SRGAP1: variants seen among roughly 807,000 people sequenced by gnomAD.
SRGAP1 encodes the protein SLIT-ROBO Rho GTPase-activating protein 1.
In SRGAP1, 43 loss-of-function variants were observed where a neutral mutation model predicts 121.9. That is an observed-to-expected ratio of 0.35 (90% CI 0.28 to 0.46). The LOEUF (loss-of-function observed/expected upper bound fraction) is 0.46, where lower values mean the gene tolerates loss of function less well. SRGAP1 is among the 20% of genes least tolerant of loss of function. The pLI is 1.00. For synonymous variants in SRGAP1, 447 were observed against 485.4 expected, an observed-to-expected ratio of 0.92 and a Z score of 1.04; for missense variants, 1,102 against 1,350.9, an observed-to-expected ratio of 0.82 and a Z score of 2.89.
At chr12:63,964,065 G>C (rs983449030) in intron 1 of SRGAP1, among the ~76,000 whole-genome samples, 4 of 152,118 alleles carry the variant, frequency 2.6e-5, no homozygotes, top group African/African-American at 7.2e-5. Context: ...AAAAGAGGAG[G>C]AAGTAAAGAA....
In SRGAP1 at chr12:64,063,051, G is replaced by A. The variant is rs780449158; in HGVS notation, c.936G>A (p.Arg312=). 1.2e-6 allele frequency: 2 copies of A among 1,614,070 alleles called. No homozygotes were observed. Among genetic ancestry groups the A allele is most frequent in the Middle Eastern group, 1.7e-4 (1 of 6,060 alleles). ...IENAVDNLEP[R]SDKQRFMEMY... is the part of the protein sequence containing the mutation. ...ATGCAGTTGATAATTTAGAGCCCAGGAGCGATAAGCAGAGATTCATGGAGA... is the reference window on the plus strand; with the variant it reads ...ATGCAGTTGATAATTTAGAGCCCAGAAGCGATAAGCAGAGATTCATGGAGA... Residue 312 remains arginine, a synonymous_variant, in exon 7 of 22, where the codon AGG becomes AGA. Transcript: ENST00000355086.
chr12:63,893,055 A>C (rs1411189667), intron 1 of SRGAP1, among the ~76,000 whole-genome samples: 2 of 152,192 alleles, frequency 1.3e-5, no homozygotes, highest in Non-Finnish European at 2.9e-5. Flanking sequence ...GATCTTTGGA[A>C]TTCTGTGCGA....
intron 1 of SRGAP1, among the ~76,000 whole-genome samples, chr12:63,979,075 C>A: frequency 8.8e-6 from 1 of 113,238 alleles, no homozygotes; most frequent in Admixed American, 1.3e-4. Context: ...GATGGAGTCT[C>A]TATCACCAGG....
At chr12:63,845,419 A>G (rs1898871458) in intron 1 of SRGAP1, among the ~76,000 whole-genome samples, 2 of 152,122 alleles carry the variant, frequency 1.3e-5, no homozygotes. Flanking sequence ...TAGCTCCCTA[A>G]AAGCCTGGCA....
chr12:64,098,562 T>C (rs1485111908), intron 15 of SRGAP1, among the ~76,000 whole-genome samples: 2 of 151,880 alleles, frequency 1.3e-5, no homozygotes, highest in Non-Finnish European at 2.9e-5. Flanking sequence ...CCCAGCTTCT[T>C]GGGAGGCTGA....
At chr12:63,926,828 C>T (rs1232187258) in intron 1 of SRGAP1, among the ~76,000 whole-genome samples, 1 of 152,172 alleles carries the variant, frequency 6.6e-6, no homozygotes, top group Non-Finnish European at 1.5e-5. Flanking sequence ...CTTTGATCAA[C>T]ACTTCCCATT....
chr12:63,881,084 G>A (rs779971551), intron 1 of SRGAP1, among the ~76,000 whole-genome samples: 4 of 152,168 alleles, frequency 2.6e-5, no homozygotes, highest in Admixed American at 6.5e-5. Flanking sequence ...TATATTTTGC[G>A]AAGTCAACTG....
intron 2 of SRGAP1, among the ~76,000 whole-genome samples, chr12:63,985,963 C>T (rs923277244): frequency 4.6e-5 from 7 of 152,152 alleles, no homozygotes; most frequent in Non-Finnish European, 2.9e-5. Context: ...TGACCTTGGA[C>T]CCTGCATAAA....
At chr12:64,032,779 G>C (rs1201251260) in intron 4 of SRGAP1, 2 of 201,380 alleles carry the variant, frequency 9.9e-6, no homozygotes, top group Non-Finnish European at 1.0e-5. Context: ...TGAATTTTCT[G>C]CTGCATTATT....
intron 4 of SRGAP1, among the ~76,000 whole-genome samples, chr12:64,024,387 C>T (rs756476324): frequency 9.2e-5 from 14 of 152,124 alleles, no homozygotes; most frequent in East Asian, 1.9e-4. Context: ...GCCATGATTG[C>T]GCTACTGCGC....
chr12:63,859,926 GAATT>G (rs1200439717), intron 1 of SRGAP1, among the ~76,000 whole-genome samples: 21 of 152,224 alleles, frequency 1.4e-4, no homozygotes, highest in African/African-American at 4.8e-4. Context: ...GATATGTAAA[GAATT>G]AAGTTCTAAA....
In SRGAP1 at chr12:64,157,190, A is replaced by C. The variant is rs1344502957; in HGVS notation, c.*14518A>C. On this transcript the variant is annotated 3_prime_UTR_variant, in exon 22 of 22. Transcript: ENST00000355086. ...TCTAAATTCATCATTTACTGAACAA[A>C]TAACTCATGAGGGTTACCATATGTC... 3 of 152,390 alleles carry C rather than the reference A, an allele frequency of 2.0e-5. No homozygotes were observed. In the East Asian group the frequency reaches 5.8e-4, roughly 29 times the overall value. 9.4% of individuals were successfully genotyped at this position (152,390 alleles called of 1,614,324 possible). A position where few individuals can be genotyped will look rare whatever the true frequency, so the allele number is the denominator to read the frequency against.
chr12:64,038,767 A>G (rs1000646851), intron 4 of SRGAP1: 7 of 152,206 alleles, frequency 4.6e-5, no homozygotes, highest in Non-Finnish European at 8.8e-5. Flanking sequence ...ATGGAGCAAG[A>G]AAGATAAATT....
rs1478411816 is a variant in SRGAP1 at position 64,128,207 on chromosome 12, T to C, written c.2880+7T>C. On this transcript the variant is annotated splice_region_variant and intron_variant, in intron 21 of 21. Transcript: ENST00000355086. ...CCCAGAGACAATTGCTCAGGTACGA[T>C]GCTTTTAATTACATATTGCATTTTA... is the stretch of plus-strand genomic sequence containing the variant. 6.3e-7 allele frequency: 1 copy of C among 1,595,622 alleles called. No homozygotes were observed. The highest frequency in any genetic ancestry group is 1.7e-5 in the Admixed American group (1 of 59,156).
At chr12:64,056,907 T>C (rs1337559607) in intron 6 of SRGAP1, among the ~76,000 whole-genome samples, 1 of 152,200 alleles carries the variant, frequency 6.6e-6, no homozygotes, top group Non-Finnish European at 1.5e-5. Flanking sequence ...CCCTTTCCCC[T>C]AACTCTCCCT....
intron 1 of SRGAP1, among the ~76,000 whole-genome samples, chr12:63,877,693 T>A (rs1311510962): frequency 6.6e-6 from 1 of 152,218 alleles, no homozygotes; most frequent in African/African-American, 2.4e-5. Context: ...CTAATTTAGA[T>A]GTGTGGTGGT....
chr12:64,072,198 C>T (rs1376095681), intron 8 of SRGAP1, among the ~76,000 whole-genome samples: 1 of 144,896 alleles, frequency 6.9e-6, no homozygotes, highest in Non-Finnish European at 1.5e-5. Context: ...TCTGAAATGA[C>T]ACAGTGCTGT....
chr12:63,846,767 A>G (rs1188388983), intron 1 of SRGAP1, among the ~76,000 whole-genome samples: 1 of 152,174 alleles, frequency 6.6e-6, no homozygotes, highest in Non-Finnish European at 1.5e-5. Context: ...GTACCTACAC[A>G]TCCAGTATCT....
intron 6 of SRGAP1, among the ~76,000 whole-genome samples, chr12:64,047,245 A>G (rs2035149214): frequency 2.0e-5 from 3 of 152,306 alleles, no homozygotes; most frequent in South Asian, 2.1e-4. Context: ...TTTATGTTCC[A>G]TGACTCACTT....
Sources: allele counts gnomAD v4.1 joint callset (sites outside exome capture counted in the v4.1 genomes callset), GRCh38; gene constraint gnomAD v4.1.1; transcripts MANE v1.5; gene names NCBI Gene and HGNC (gene_info 2026-07-23, HGNC 2026-07-21).